Variants in PRELID2 observed in about 807,000 individuals in gnomAD.
PRELID2 encodes PRELI domain containing 2, also known as PRELI domain-containing protein 2.
Under a neutral mutation model 28.4 loss-of-function variants are expected in PRELID2, and 25 were observed. The ratio of observed to expected loss-of-function variants is 0.88; its 90% CI spans 0.64 to 1.23. PRELID2 has a LOEUF of 1.23. PRELID2 is among the 50% of genes most tolerant of loss of function. The pLI is 0.00. For missense variants in PRELID2, 201 were observed against 214.4 expected (o/e 0.94, Z 0.39); for synonymous variants, 76 against 71.6 (o/e 1.06, Z -0.31).
intron 4 of PRELID2, among the ~76,000 whole-genome samples, chr5:145,806,270 T>A (rs547233184): frequency 6.0e-4 from 91 of 152,334 alleles, no homozygotes; most frequent in African/African-American, 1.9e-3. Flanking sequence ...AAATATTGTC[T>A]TTTAAATTCT....
At chr5:145,392,084 T>A in the PRELID2 span, among the ~76,000 whole-genome samples, 2 of 152,166 alleles carry the variant, frequency 1.3e-5, no homozygotes, top group South Asian at 4.2e-4. Flanking sequence ...GCTCCAAAGT[T>A]GCTTCCACAT....
At chr5:145,551,157 T>A (rs1036791988) in intron 1 of PRELID2, among the ~76,000 whole-genome samples, 14 of 151,996 alleles carry the variant, frequency 9.2e-5, no homozygotes, top group African/African-American at 3.4e-4. Context: ...AGAACCTGCT[T>A]ATTGGGAGGC....
the PRELID2 span, among the ~76,000 whole-genome samples, chr5:145,351,411 C>G: frequency 6.6e-6 from 1 of 151,992 alleles, no homozygotes; most frequent in East Asian, 1.9e-4. Context: ...GGGAGAAGCC[C>G]CTTATAAAAC....
At chr5:145,791,901 G>A (rs891203659) in intron 5 of PRELID2, among the ~76,000 whole-genome samples, 1 of 152,144 alleles carries the variant, frequency 6.6e-6, no homozygotes, top group African/African-American at 2.4e-5. Flanking sequence ...CTGTCAACCT[G>A]CAAGGCACTG....
At chr5:145,485,579 C>T (rs1163661888) in intron 1 of PRELID2, among the ~76,000 whole-genome samples, 1 of 152,142 alleles carries the variant, frequency 6.6e-6, no homozygotes, top group African/African-American at 2.4e-5. Flanking sequence ...CTTCCTCGCT[C>T]GCTATCTCTC....
chr5:145,461,582 G>T, the PRELID2 span, among the ~76,000 whole-genome samples: 1 of 152,204 alleles, frequency 6.6e-6, no homozygotes, highest in African/African-American at 2.4e-5. Context: ...GGTTATAGGC[G>T]TGAGCCATCG....
At chr5:145,829,598 A>G (rs547817134) in intron 1 of PRELID2, among the ~76,000 whole-genome samples, 2 of 152,302 alleles carry the variant, frequency 1.3e-5, no homozygotes, top group African/African-American at 4.8e-5. Context: ...CGAGGCACAG[A>G]AAAATGAACT....
the PRELID2 span, among the ~76,000 whole-genome samples, chr5:145,343,466 A>C: frequency 6.7e-6 from 1 of 149,236 alleles, no homozygotes; most frequent in Non-Finnish European, 1.5e-5. Flanking sequence ...AGTTTATTAA[A>C]ACAAATGAAA....
chr5:145,327,697 G>C, the PRELID2 span, among the ~76,000 whole-genome samples: 2 of 151,834 alleles, frequency 1.3e-5, no homozygotes, highest in Admixed American at 6.6e-5. Flanking sequence ...CTCTTCTGCT[G>C]TCTTCCTTTG....
chr5:145,812,893 G>C (rs1754049516), intron 4 of PRELID2, among the ~76,000 whole-genome samples: 1 of 152,196 alleles, frequency 6.6e-6, no homozygotes, highest in African/African-American at 2.4e-5. Flanking sequence ...AAGCATATTA[G>C]AGCTATCCAG....
At position 145,756,986 on chromosome 5, in the gene PRELID2, T is replaced by C. The variant is rs774021366; in HGVS notation, c.*3550A>G. Among the ~76,000 whole-genome samples the C allele has an allele frequency of 6.6e-6, 1 of 152,182 alleles. No homozygotes were observed. Among genetic ancestry groups the C allele is most frequent in the African/African-American group, 2.4e-5 (1 of 41,450 alleles). ...GTAGGGCCTGAAAGAATTAAAAACA[T>C]ATATGACGACTCTGAAAAGATTTAA... is the stretch of plus-strand genomic sequence containing the variant. On this transcript the variant is annotated 3_prime_UTR_variant, in exon 7 of 7. Transcript: ENST00000683046.
In PRELID2 at chr5:145,741,343, A is replaced by T. The variant is rs1252337584; in HGVS notation, n.70+23588T>A. ...AATAAATTATTTATATATAAATAAA[A>T]TTTATTAATAAATAATTTATTTATA... is the stretch of plus-strand genomic sequence containing the variant. On this transcript the variant is annotated intron_variant and non_coding_transcript_variant, in intron 1 of 2. Transcript: ENST00000510259. Among the ~76,000 whole-genome samples the T allele has an allele frequency of 2.1e-3, 9 of 4,328 alleles. 1 individual carries two copies. Among genetic ancestry groups the T allele is most frequent in the Middle Eastern group, 0.2 (2 of 10 alleles). The allele number at this position is 4,328 out of a possible 152,430, so 2.8% of individuals were successfully genotyped here. A position where few individuals can be genotyped will look rare whatever the true frequency, so the allele number is the denominator to read the frequency against.
chr5:145,463,390 G>T, the PRELID2 span, among the ~76,000 whole-genome samples: 1 of 137,628 alleles, frequency 7.3e-6, no homozygotes, highest in African/African-American at 2.7e-5. Context: ...ATATGGTCCT[G>T]TCTAATCCTT....
At chr5:145,484,454 T>A (rs908537028) in intron 1 of PRELID2, among the ~76,000 whole-genome samples, 2 of 152,226 alleles carry the variant, frequency 1.3e-5, no homozygotes, top group African/African-American at 4.8e-5. Flanking sequence ...TTCCCTTAGC[T>A]CTTCTATTTC....
intron 1 of PRELID2, among the ~76,000 whole-genome samples, chr5:145,737,041 T>C (rs1301494615): frequency 1.3e-5 from 2 of 151,478 alleles, no homozygotes; most frequent in Admixed American, 6.6e-5. Flanking sequence ...TGAAAGAGGA[T>C]ACATGGGAGA....
Position 145,483,128 on chromosome 5 carries a change from C to T in PRELID2, n.71-9813G>A, listed in dbSNP as rs185326081. On this transcript the variant is annotated intron_variant and non_coding_transcript_variant, in intron 1 of 2. Coordinates refer to the PRELID2 transcript ENST00000510259. ...GTTGTAGTAGATGAAGTCCAAAAATCGCCCACAATTGTTGATGTCTCCTTG... is the reference window on the plus strand; with the variant it reads ...GTTGTAGTAGATGAAGTCCAAAAATTGCCCACAATTGTTGATGTCTCCTTG... Among the ~76,000 whole-genome samples the T allele has an allele frequency of 1.2e-4, 18 of 152,232 alleles. No homozygotes were observed. The East Asian group carries it at 3.1e-3, about 26-fold the overall frequency.
intron 2 of PRELID2, among the ~76,000 whole-genome samples, chr5:145,821,150 T>TGG (rs1406689373): frequency 3.1e-5 from 4 of 128,556 alleles, no homozygotes; most frequent in East Asian, 2.1e-4. Context: ...CCAACTCTCC[T>TGG]GGGTGTGTGT....
chr5:145,317,030 A>C, the PRELID2 span, among the ~76,000 whole-genome samples: 1 of 152,334 alleles, frequency 6.6e-6, no homozygotes, highest in East Asian at 1.9e-4. Flanking sequence ...ACCGGGGTCA[A>C]GAGTGATAGA....
At chr5:145,277,279 G>T in the PRELID2 span, among the ~76,000 whole-genome samples, 3 of 152,054 alleles carry the variant, frequency 2.0e-5, no homozygotes, top group Non-Finnish European at 4.4e-5. Flanking sequence ...AAATAATTTT[G>T]ACTTCATGTA....
Sources: gnomAD v4.1 joint callset for allele counts (sites outside exome capture counted in the v4.1 genomes callset) on GRCh38, gnomAD v4.1.1 for gene constraint, MANE v1.5 for transcripts, NCBI Gene and HGNC (gene_info 2026-07-23, HGNC 2026-07-21) for gene names.